The following FN1 variants were observed in gnomAD, a reference collection of about 807,000 sequenced individuals.
The protein encoded by FN1 is fibronectin.
A neutral mutation model predicts 297.3 loss-of-function variants in FN1; 106 were observed. The ratio of observed to expected loss-of-function variants is 0.36; its 90% CI spans 0.30 to 0.42. The LOEUF (loss-of-function observed/expected upper bound fraction) is 0.42. FN1 is among the 10% of genes least tolerant of loss of function. The pLI is 1.00. For synonymous variants in FN1, 1,149 were observed against 1,152.6 expected, an observed-to-expected ratio of 1.00 and a Z score of 0.06; for missense variants, 2,690 against 3,124.9, an observed-to-expected ratio of 0.86 and a Z score of 3.32.
At chr2:215,406,636 T>G (rs2061812327) in intron 18 of FN1, 126 bp from the exon 19 acceptor site, 1 of 965,122 alleles carries the variant, frequency 1.0e-6, no homozygotes, top group East Asian at 2.6e-5. Flanking sequence ...AAGTTTTGTC[T>G]CTTAATCAGA....
At position 215,386,951 on chromosome 2, in the gene FN1, A is replaced by G. The variant is rs775806460; in HGVS notation, c.4350T>C (p.Asp1450=). The change falls in exon 28 of 46, where the codon GAT becomes GAC. Residue 1450 remains aspartate (D), a synonymous_variant. Transcript: ENST00000354785. ...CAGAAAAGTCAATGCCAGTTGGGGA[A>G]TCAAGACCTGTTTTTCCCACCCGGG... is the stretch of plus-strand genomic sequence containing the variant. The part of the protein sequence containing the change: ...PLRGRQKTGL[D]SPTGIDFSDI... 1.2e-5 allele frequency: 20 copies of G among 1,611,582 alleles called. No individual in the cohort carries two copies. The highest frequency in any genetic ancestry group is 1.7e-4 in the Middle Eastern group (1 of 5,778).
At chr2:215,431,531 G>T (rs910592769) in intron 4 of FN1, among the ~76,000 whole-genome samples, 1 of 151,954 alleles carries the variant, frequency 6.6e-6, no homozygotes, top group Non-Finnish European at 1.5e-5. Flanking sequence ...ATTATATCTT[G>T]ACGAAGGAGG....
intron 41 of FN1, among the ~76,000 whole-genome samples, chr2:215,368,655 T>C (rs1033624694): frequency 6.6e-6 from 1 of 152,176 alleles, no homozygotes; most frequent in Non-Finnish European, 1.5e-5. Context: ...TTATTGTAAT[T>C]TTTGCATAAT....
intron 41 of FN1, among the ~76,000 whole-genome samples, chr2:215,368,916 A>G (rs1297680606): frequency 1.3e-5 from 2 of 152,200 alleles, no homozygotes; most frequent in East Asian, 3.8e-4. Flanking sequence ...TTGACTTAAA[A>G]TCCCACTGTG....
intron 5 of FN1, among the ~76,000 whole-genome samples, chr2:215,430,051 G>T (rs551382571): frequency 6.6e-6 from 1 of 152,304 alleles, no homozygotes; most frequent in Admixed American, 6.5e-5. Context: ...TGTTAGCAAA[G>T]AATTTGAATT....
chr2:215,407,223 C>G lies in FN1; in HGVS notation c.2617G>C (p.Gly873Arg). 1 of 1,613,920 alleles carries G rather than the reference C, an allele frequency of 6.2e-7. No individual in the cohort carries two copies. Among genetic ancestry groups the G allele is most frequent in the South Asian group, 1.1e-5 (1 of 91,080 alleles). ...NSVTLSDLQP[G>R]VQYNITIYAV... ...TAGATAGTGATGTTATACTGAACAC[C>G]AGGTTGCAAGTCACTGAGGGTGACG... The change falls in exon 18 of 46, where the codon GGT (glycine) becomes CGT (arginine). Residue 873 changes from glycine (G) to arginine (R), a missense_variant. Physicochemically the swap from Gly to Arg is moderately radical, Grantham distance 125. Coordinates refer to ENST00000354785, the MANE Select transcript of FN1 (RefSeq NM_212482.4).
chr2:215,419,121 C>T (rs1328079987), intron 12 of FN1, 121 bp downstream of exon 12: 2 of 772,228 alleles, frequency 2.6e-6, no homozygotes, highest in South Asian at 1.5e-5. Context: ...TAGATAATAA[C>T]AAGAGAAAAG....
intron 26 of FN1, among the ~76,000 whole-genome samples, chr2:215,389,018 C>T (rs1399465274): frequency 1.3e-5 from 2 of 150,378 alleles, no homozygotes; most frequent in South Asian, 2.2e-4. Flanking sequence ...AGAAAGCAAT[C>T]GGTTCTGCCA....
In FN1 at chr2:215,433,501, T is replaced by C. The variant is rs373691716; in HGVS notation, c.278-40A>G. 6.9e-6 allele frequency: 11 copies of C among 1,597,338 alleles called. No individual in the cohort carries two copies. In the African/African-American group the frequency reaches 1.5e-4, roughly 21 times the overall value. On this transcript the variant is annotated intron_variant, in intron 2 of 45. Coordinates refer to ENST00000354785, the MANE Select transcript of FN1 (RefSeq NM_212482.4). Reference sequence around the variant, plus strand: ...AAAGTCCATGTGAGCCTCACTTAGGTACAAGCTTTTCTAGTTCACTAATCC... The same window carrying C: ...AAAGTCCATGTGAGCCTCACTTAGGCACAAGCTTTTCTAGTTCACTAATCC...
In FN1 at chr2:215,431,930, A is replaced by C; in HGVS notation, c.450T>G (p.Ile150Met). The C allele has an allele frequency of 6.2e-7, 1 of 1,614,208 alleles. No homozygotes were observed. Among genetic ancestry groups the C allele is most frequent in the Non-Finnish European group, 8.5e-7 (1 of 1,180,028 alleles). ...CATGTGGTCTCCTCCAGGTGTCACC[A>C]ATCTTGTAGGACTGACCCCCTTCAT... ...RCHEGGQSYK[I>M]GDTWRRPHET... is the part of the protein sequence containing the mutation. The change falls in exon 4 of 46, where the codon ATT becomes ATG. Residue 150 changes from isoleucine to methionine, a missense_variant. Physicochemically the swap from Ile to Met is conservative, Grantham distance 10. Transcript: ENST00000354785.
At chr2:215,408,003 T>C (rs1190857517) in intron 17 of FN1, 105 bp downstream of exon 17, 1 of 750,520 alleles carries the variant, frequency 1.3e-6, no homozygotes, top group Non-Finnish European at 2.3e-6. Flanking sequence ...ATAAATTATA[T>C]TGGAGATTTA....
chr2:215,384,229 AC>A lies in FN1; in HGVS notation c.4730-46del, dbSNP rs761453095. 5 of 1,575,642 alleles carry A rather than the reference AC, an allele frequency of 3.2e-6. No individual in the cohort carries two copies. The East Asian group carries it at 1.1e-4, about 35-fold the overall frequency. On this transcript the variant is annotated intron_variant, in intron 29 of 45. Coordinates refer to ENST00000354785, the MANE Select transcript of FN1 (RefSeq NM_212482.4). The stretch of plus-strand genomic sequence containing the variant: ...TTCAGAGTGTGAGGGGTTTAGAGCT[AC>A]TTGGGTATTACTGATTAATTGAATT...
rs778413346 is a variant in FN1, at chr2:215,420,735, C to A, written c.1613G>T (p.Gly538Val). 1 of 1,614,096 alleles carries A rather than the reference C, an allele frequency of 6.2e-7. No individual in the cohort carries two copies. The highest frequency in any genetic ancestry group is 8.5e-7 in the Non-Finnish European group (1 of 1,179,978). The change falls in exon 11 of 46, where the codon GGG becomes GTG. Residue 538 changes from glycine to valine, a missense_variant. This residue lies in a region of FN1 where 876 missense variants were observed against 1,058.1 expected (regional missense o/e 0.83). Transcript: ENST00000354785. ...NDTFHKRHEE[G>V]HMLNCTCFGQ... The stretch of plus-strand genomic sequence containing the variant: ...GAAGCATGTACAGTTCAGCATGTGC[C>A]CCTCTTCATGACGCTTGTGGAATGT...
chr2:215,421,694 T>C (rs1252549977), intron 10 of FN1, among the ~76,000 whole-genome samples: 1 of 152,260 alleles, frequency 6.6e-6, no homozygotes. Context: ...ATTTGTTTCC[T>C]GAAATCTGGA....
chr2:215,364,687 A>G (rs2054185562), intron 44 of FN1, 192 bp downstream of exon 44: 2 of 619,320 alleles, frequency 3.2e-6, no homozygotes, highest in Non-Finnish European at 2.9e-6. Context: ...AGTAATAGAA[A>G]GAATGAATGG....
At chr2:215,434,873 A>G in intron 1 of FN1, 49 bp from the exon 2 acceptor site, 1 of 1,596,222 alleles carries the variant, frequency 6.3e-7, no homozygotes, top group East Asian at 2.3e-5. Flanking sequence ...TCCTTTTCCC[A>G]AAATTATGGA....
intron 7 of FN1, among the ~76,000 whole-genome samples, 170 bp from the exon 8 acceptor site, chr2:215,424,495 C>T (rs373633044): frequency 6.6e-6 from 1 of 152,096 alleles, no homozygotes; most frequent in African/African-American, 2.4e-5. Flanking sequence ...CTCAGGAATC[C>T]ATGTCTACTG....
chr2:215,364,544 G>T, intron 44 of FN1: 1 of 394,928 alleles, frequency 2.5e-6, no homozygotes, highest in East Asian at 5.4e-5. Context: ...AGTGTAAATA[G>T]TATCTCTGAC....
chr2:215,390,887 T>C (rs1346365880), intron 26 of FN1, among the ~76,000 whole-genome samples: 1 of 152,234 alleles, frequency 6.6e-6, no homozygotes, highest in Non-Finnish European at 1.5e-5. Context: ...TTTTCCCTTA[T>C]GTAGAATCTT....
Sources: allele counts gnomAD v4.1 joint callset (sites outside exome capture counted in the v4.1 genomes callset), GRCh38; gene constraint gnomAD v4.1.1; regional missense constraint gnomAD v4.1.1; transcripts MANE v1.5; gene names NCBI Gene and HGNC (gene_info 2026-07-23, HGNC 2026-07-21).